Variants in RABGAP1L observed in about 807,000 individuals in gnomAD.
RABGAP1L encodes the protein RAB GTPase activating protein 1 like, also known as rab GTPase-activating protein 1-like.
In RABGAP1L, 63 loss-of-function variants were observed where a neutral mutation model predicts 137.7. That is an observed-to-expected ratio of 0.46 (90% CI 0.37 to 0.56). RABGAP1L has a LOEUF of 0.56. Ranked by LOEUF, RABGAP1L falls within the 20% of genes least tolerant of loss-of-function variation. The pLI is 0.00. For missense variants in RABGAP1L, 1,095 were observed against 1,244.0 expected (o/e 0.88, Z 1.80); for synonymous variants, 431 against 433.7 (o/e 0.99, Z 0.08).
chr1:174,493,184 C>A (rs1660424026), intron 13 of RABGAP1L, among the ~76,000 whole-genome samples: 1 of 146,290 alleles, frequency 6.8e-6, no homozygotes, highest in Non-Finnish European at 1.5e-5. Flanking sequence ...CATACTAGAT[C>A]CTGTCACTGC....
chr1:174,906,402 C>T (rs576715680), intron 19 of RABGAP1L, among the ~76,000 whole-genome samples: 20 of 152,004 alleles, frequency 1.3e-4, no homozygotes, highest in Non-Finnish European at 2.4e-4. Context: ...CCAAGGCAGG[C>T]GGATCACATG....
intron 13 of RABGAP1L, among the ~76,000 whole-genome samples, chr1:174,626,018 C>T (rs112096269): frequency 3.5e-4 from 53 of 152,116 alleles, no homozygotes; most frequent in South Asian, 2.1e-4. Context: ...TTTATAACTT[C>T]GGAAAGTAAC....
At chr1:174,184,156 C>T (rs960671250) in intron 1 of RABGAP1L, among the ~76,000 whole-genome samples, 2 of 152,108 alleles carry the variant, frequency 1.3e-5, no homozygotes, top group Admixed American at 1.3e-4. Flanking sequence ...TGTGAGCCAC[C>T]GTGCCCGGCA....
chr1:174,648,158 C>G (rs1458638745), intron 14 of RABGAP1L, among the ~76,000 whole-genome samples: 1 of 151,990 alleles, frequency 6.6e-6, no homozygotes, highest in Non-Finnish European at 1.5e-5. Flanking sequence ...AAACCACCTC[C>G]TGGATTCATT....
At chr1:174,662,102 C>CTTTTTTTTTT (rs749496325) in intron 14 of RABGAP1L, among the ~76,000 whole-genome samples, 11 of 90,256 alleles carry the variant, frequency 1.2e-4, no homozygotes, top group East Asian at 7.8e-4. Flanking sequence ...CTTTTCTTTT[C>CTTTTTTTTTT]TTTTTTTTTT....
chr1:174,230,808 C>G (rs1026384627), intron 3 of RABGAP1L, among the ~76,000 whole-genome samples: 2 of 152,018 alleles, frequency 1.3e-5, no homozygotes, highest in South Asian at 2.1e-4. Flanking sequence ...TTCTGTTGTT[C>G]TTTTACATAC....
At chr1:174,302,215 C>T (rs143255643) in intron 10 of RABGAP1L, among the ~76,000 whole-genome samples, 7 of 152,304 alleles carry the variant, frequency 4.6e-5, no homozygotes, top group African/African-American at 1.7e-4. Context: ...GCCACTTTTG[C>T]TGCTTCATTA....
intron 13 of RABGAP1L, among the ~76,000 whole-genome samples, chr1:174,587,422 AC>A (rs1557873154): frequency 6.6e-6 from 1 of 150,652 alleles, no homozygotes; most frequent in Admixed American, 6.6e-5. Flanking sequence ...GTGCACATGT[AC>A]CCTAAAACTT....
chr1:174,777,940 C>T (rs749863152), intron 18 of RABGAP1L, among the ~76,000 whole-genome samples: 14 of 151,836 alleles, frequency 9.2e-5, no homozygotes, highest in Non-Finnish European at 2.9e-5. Flanking sequence ...AATTGGAGGA[C>T]CTGAAGGAAA....
At chr1:174,693,137 G>A (rs115686576) in intron 15 of RABGAP1L, among the ~76,000 whole-genome samples, 3,221 of 152,256 alleles carry the variant, frequency 0.021, 54 homozygotes, top group Middle Eastern at 0.085. Context: ...CCAAAATATA[G>A]TTGTCCCTCA....
At chr1:174,707,263 A>G (rs1279193119) in intron 17 of RABGAP1L, among the ~76,000 whole-genome samples, 5 of 127,024 alleles carry the variant, frequency 3.9e-5, no homozygotes, top group African/African-American at 1.6e-4. Context: ...TTTAGGTCGC[A>G]GATAATGGGT....
intron 13 of RABGAP1L, among the ~76,000 whole-genome samples, chr1:174,614,497 G>T (rs1327466126): frequency 1.3e-5 from 2 of 152,076 alleles, no homozygotes; most frequent in African/African-American, 4.8e-5. Context: ...CTTCCTCTCT[G>T]GCTGCCCTTA....
chr1:174,315,729 C>T (rs184085278), intron 11 of RABGAP1L, among the ~76,000 whole-genome samples: 18 of 150,566 alleles, frequency 1.2e-4, no homozygotes, highest in African/African-American at 4.4e-4. Context: ...TTGACATAGT[C>T]TTCTTTGGGT....
Position 174,702,103 on chromosome 1 carries a change from T to C in RABGAP1L, c.2026-10T>C, listed in dbSNP as rs1046521241. ...CTCATTGCTCCTAAATTTTCCACTT[T>C]GACTTTTAGGAACAGCTACCGGACC... On this transcript the variant is annotated splice_polypyrimidine_tract_variant and intron_variant, in intron 16 of 25. Coordinates refer to ENST00000681986, the MANE Select transcript of RABGAP1L (RefSeq NM_001366446.1). 1.3e-5 allele frequency: 21 copies of C among 1,604,166 alleles called. No individual in the cohort carries two copies. Among genetic ancestry groups the C allele is most frequent in the Non-Finnish European group, 1.8e-5 (21 of 1,176,866 alleles).
chr1:174,873,631 C>T (rs565847533), intron 19 of RABGAP1L, among the ~76,000 whole-genome samples: 40 of 151,712 alleles, frequency 2.6e-4, no homozygotes, highest in African/African-American at 9.2e-4. Flanking sequence ...CTGCTTCAGC[C>T]TCCTGAGTAG....
At chr1:174,207,890 G>A (rs1366501783) in intron 1 of RABGAP1L, among the ~76,000 whole-genome samples, 2 of 152,146 alleles carry the variant, frequency 1.3e-5, no homozygotes, top group Non-Finnish European at 2.9e-5. Context: ...TGGATAAAGA[G>A]TCTAACTTGT....
chr1:174,497,104 T>A (rs1660810081), intron 13 of RABGAP1L, among the ~76,000 whole-genome samples: 1 of 152,222 alleles, frequency 6.6e-6, no homozygotes, highest in Admixed American at 6.5e-5. Flanking sequence ...GTAAATCATA[T>A]GGCAACATAC....
intron 13 of RABGAP1L, among the ~76,000 whole-genome samples, chr1:174,398,272 C>T (rs770624858): frequency 3.9e-5 from 6 of 152,214 alleles, no homozygotes; most frequent in South Asian, 4.1e-4. Flanking sequence ...TCAATCTCTA[C>T]GCTCCCCTTC....
At position 174,413,673 on chromosome 1, in the gene RABGAP1L, C is replaced by A. The variant is rs567056421; in HGVS notation, c.1710+19528C>A. 3.3e-5 allele frequency among the ~76,000 whole-genome samples: 5 copies of A among 152,218 alleles called. No individual in the cohort carries two copies. In the South Asian group the frequency reaches 6.2e-4, roughly 19 times the overall value. On this transcript the variant is annotated intron_variant, in intron 13 of 25. Transcript: ENST00000681986. Reference sequence around the variant, plus strand: ...TTATTTTTTCTGTACCCTCCTCCCCCCCTTTCTCTATGGGTGAGACTGCAG... The same window carrying A: ...TTATTTTTTCTGTACCCTCCTCCCCACCTTTCTCTATGGGTGAGACTGCAG...
Sources: gnomAD v4.1 joint callset for allele counts (sites outside exome capture counted in the v4.1 genomes callset) on GRCh38, gnomAD v4.1.1 for gene constraint, MANE v1.5 for transcripts, NCBI Gene and HGNC (gene_info 2026-07-23, HGNC 2026-07-21) for gene names.